Variants in NCKAP5 observed in about 807,000 individuals in gnomAD.
NCKAP5 encodes the protein nck-associated protein 5.
In NCKAP5, 92 loss-of-function variants were observed where a neutral mutation model predicts 167.0. That is an observed-to-expected ratio of 0.55 (90% CI 0.47 to 0.66). NCKAP5 has a LOEUF of 0.66. Ranked by LOEUF, NCKAP5 falls within the 30% of genes least tolerant of loss-of-function variation. The pLI is 0.00. For synonymous variants in NCKAP5, 891 were observed against 877.4 expected (o/e 1.02, Z -0.27); for missense variants, 2,378 against 2,315.0 (o/e 1.03, Z -0.56).
Position 132,782,831 on chromosome 2 carries a change from G to A in NCKAP5, c.3980C>T (p.Pro1327Leu), listed in dbSNP as rs1211899373. Reference protein sequence around the residue: ...SSTESSPNKAPSAPMLESLPS... With the variant: ...SSTESSPNKALSAPMLESLPS... ...GAGACTCTCCAACATGGGAGCAGAAGGGGCCTTGTTGGGAGAGCTTTCCGT... is the reference window on the plus strand; with the variant it reads ...GAGACTCTCCAACATGGGAGCAGAAAGGGCCTTGTTGGGAGAGCTTTCCGT... Residue 1327 changes from proline (P) to leucine (L), a missense_variant, in exon 14 of 20, where the codon CCT becomes CTT. Physicochemically the swap from Pro to Leu is moderately conservative, Grantham distance 98. Around this residue, in one of 3 missense-constraint regions of NCKAP5, gnomAD observed 1,325 missense variants for 1,274.5 expected, o/e 1.04. Coordinates refer to ENST00000409261, the MANE Select transcript of NCKAP5 (RefSeq NM_207363.3). The A allele has an allele frequency of 5.0e-6, 8 of 1,613,854 alleles. No individual in the cohort carries two copies. In the African/African-American group the frequency reaches 6.7e-5, roughly 13 times the overall value.
chr2:132,950,849 A>C (rs2076165034), intron 8 of NCKAP5, among the ~76,000 whole-genome samples: 1 of 152,162 alleles, frequency 6.6e-6, no homozygotes, highest in Non-Finnish European at 1.5e-5. Context: ...AGATTACCAA[A>C]ACCAATTTGA....
intron 8 of NCKAP5, among the ~76,000 whole-genome samples, chr2:132,899,770 G>T (rs555595304): frequency 6.6e-6 from 1 of 152,226 alleles, no homozygotes; most frequent in African/African-American, 2.4e-5. Context: ...AGCTACTCGG[G>T]AGCCTGAGGC....
intron 8 of NCKAP5, among the ~76,000 whole-genome samples, chr2:132,901,541 C>A (rs1693630301): frequency 6.6e-6 from 1 of 152,118 alleles, no homozygotes; most frequent in Admixed American, 6.5e-5. Flanking sequence ...ACCCACAATG[C>A]AACCTGATTA....
At chr2:132,774,001 TGTGA>T (rs1201819513) in intron 15 of NCKAP5, 107 bp from the exon 16 acceptor site, 3 of 853,694 alleles carry the variant, frequency 3.5e-6, no homozygotes, top group East Asian at 2.5e-5. Flanking sequence ...TGGGCATAGG[TGTGA>T]GTGTTTGCAT....
At chr2:133,625,474 A>T in the NCKAP5 span, among the ~76,000 whole-genome samples, 1 of 152,136 alleles carries the variant, frequency 6.6e-6, no homozygotes, top group African/African-American at 2.4e-5. Flanking sequence ...GGAGGTGTAC[A>T]TGGGGGGCCT....
At chr2:132,774,660 C>T (rs1163287626) in intron 15 of NCKAP5, among the ~76,000 whole-genome samples, 1 of 152,160 alleles carries the variant, frequency 6.6e-6, no homozygotes, top group Admixed American at 6.6e-5. Context: ...AGTGGCAACA[C>T]TGGCATGAAA....
chr2:133,374,743 T>C (rs1209177185), intron 3 of NCKAP5, among the ~76,000 whole-genome samples: 1 of 152,160 alleles, frequency 6.6e-6, no homozygotes, highest in Non-Finnish European at 1.5e-5. Context: ...AAATGTCTAC[T>C]AAAAACAAAC....
At chr2:133,412,105 T>C (rs932761344) in intron 3 of NCKAP5, among the ~76,000 whole-genome samples, 1 of 152,164 alleles carries the variant, frequency 6.6e-6, no homozygotes, top group Non-Finnish European at 1.5e-5. Flanking sequence ...GGATTTTATA[T>C]GTTGAAATTC....
chr2:133,361,043 G>T, intron 3 of NCKAP5, among the ~76,000 whole-genome samples: 1 of 149,838 alleles, frequency 6.7e-6, no homozygotes, highest in East Asian at 2.0e-4. Flanking sequence ...CTGGTGACTG[G>T]AGAATCTTAC....
chr2:132,963,626 G>C lies in NCKAP5; in HGVS notation c.579+94C>G. ...CATATTAGTCTGGGAGAACTCAAAA[G>C]GGAAGATTTATACTCACTCAAAACC... is the stretch of plus-strand genomic sequence containing the variant. On this transcript the variant is annotated intron_variant, in intron 8 of 19. Transcript: ENST00000409261. 4.6e-6 allele frequency: 6 copies of C among 1,299,482 alleles called. No individual in the cohort carries two copies. The South Asian group carries it at 8.1e-5, about 18-fold the overall frequency. 80.5% of individuals were successfully genotyped at this position (1,299,482 alleles called of 1,614,324 possible). A position where few individuals can be genotyped will look rare whatever the true frequency, so the allele number is the denominator to read the frequency against.
intron 16 of NCKAP5, among the ~76,000 whole-genome samples, chr2:132,756,675 TA>T (rs1553491494): frequency 1.3e-5 from 2 of 152,166 alleles, no homozygotes; most frequent in East Asian, 3.9e-4. Context: ...GAATTATAGA[TA>T]AATACTTTGA....
At chr2:133,454,644 A>G (rs1691737724) in intron 3 of NCKAP5, among the ~76,000 whole-genome samples, 2 of 152,080 alleles carry the variant, frequency 1.3e-5, no homozygotes, top group African/African-American at 4.8e-5. Flanking sequence ...AAAAATAATC[A>G]TACCTATCAT....
the NCKAP5 span, among the ~76,000 whole-genome samples, chr2:133,595,220 A>G: frequency 2.0e-5 from 3 of 152,122 alleles, no homozygotes; most frequent in Non-Finnish European, 4.4e-5. Flanking sequence ...TGTGGTTGAT[A>G]TCACTTTTGT....
intron 3 of NCKAP5, among the ~76,000 whole-genome samples, chr2:133,471,629 T>C (rs1679327809): frequency 1.3e-5 from 2 of 152,154 alleles, no homozygotes; most frequent in South Asian, 2.1e-4. Flanking sequence ...CTCCTGATAA[T>C]TGCTTTCCAG....
chr2:132,736,509 G>A (rs537920587), intron 16 of NCKAP5, among the ~76,000 whole-genome samples: 20 of 152,040 alleles, frequency 1.3e-4, no homozygotes, highest in Non-Finnish European at 1.2e-4. Context: ...AGCTGGGCGC[G>A]GTGGCTCATG....
chr2:132,821,956 CAT>C (rs1686774215), intron 11 of NCKAP5, among the ~76,000 whole-genome samples: 1 of 152,140 alleles, frequency 6.6e-6, no homozygotes, highest in African/African-American at 2.4e-5. Context: ...GAACACAAAA[CAT>C]AGAAACTCTT....
At chr2:133,470,658 G>T (rs1002167151) in intron 3 of NCKAP5, among the ~76,000 whole-genome samples, 15 of 152,312 alleles carry the variant, frequency 9.8e-5, no homozygotes, top group African/African-American at 3.6e-4. Context: ...CTAGTAATCA[G>T]CGAGACTCCA....
chr2:132,959,652 G>A (rs1056047627), intron 8 of NCKAP5, among the ~76,000 whole-genome samples: 1 of 152,188 alleles, frequency 6.6e-6, no homozygotes, highest in South Asian at 2.1e-4. Context: ...AAATGCCCAG[G>A]AGTAGGGAAC....
At chr2:132,775,070 G>T (rs1682432395) in intron 15 of NCKAP5, among the ~76,000 whole-genome samples, 1 of 152,226 alleles carries the variant, frequency 6.6e-6, no homozygotes, top group South Asian at 2.1e-4. Flanking sequence ...ATACATTCCA[G>T]ACAGCCACCT....
Sources: gnomAD v4.1 joint callset for allele counts (sites outside exome capture counted in the v4.1 genomes callset) on GRCh38, gnomAD v4.1.1 for gene constraint, gnomAD v4.1.1 regional missense constraint, MANE v1.5 for transcripts, NCBI Gene and HGNC (gene_info 2026-07-23, HGNC 2026-07-21) for gene names.